The following CFAP70 variants were observed in gnomAD, a reference collection of about 807,000 sequenced individuals.
CFAP70 encodes the protein cilia- and flagella-associated protein 70.
Under a neutral mutation model 137.6 loss-of-function variants are expected in CFAP70, and 81 were observed. That is an observed-to-expected ratio of 0.59 (90% confidence interval 0.49 to 0.71). The LOEUF (loss-of-function observed/expected upper bound fraction) is 0.71. CFAP70 is among the 30% of genes least tolerant of loss of function. The pLI is 0.00. For missense variants in CFAP70, 976 were observed against 1,226.7 expected (o/e 0.80, Z 3.05); for synonymous variants, 382 against 423.6 (o/e 0.90, Z 1.20).
intron 6 of CFAP70, among the ~76,000 whole-genome samples, chr10:73,337,964 A>G (rs2052842246): frequency 6.6e-6 from 1 of 152,112 alleles, no homozygotes; most frequent in South Asian, 2.1e-4. Context: ...CTGATGTCTG[A>G]AGATATTTTA....
intron 24 of CFAP70, among the ~76,000 whole-genome samples, chr10:73,272,386 A>G (rs1055462655): frequency 1.3e-5 from 2 of 152,194 alleles, no homozygotes; most frequent in African/African-American, 4.8e-5. Context: ...AGCTATTCAA[A>G]GAAAGGGAGA....
intron 19 of CFAP70, among the ~76,000 whole-genome samples, chr10:73,281,336 C>T (rs1333807741): frequency 6.6e-6 from 1 of 150,996 alleles, no homozygotes; most frequent in Admixed American, 6.6e-5. Context: ...AGACATGCCA[C>T]CACACCTGGC....
exon 19 of CFAP70, chr10:73,291,421 T>A (rs746318738): frequency 6.2e-7 from 1 of 1,614,216 alleles, no homozygotes; most frequent in South Asian, 1.1e-5. Flanking sequence ...CGAATATCAT[T>A]GTTTTGAATT....
intron 9 of CFAP70, among the ~76,000 whole-genome samples, chr10:73,316,707 A>G (rs1046214832): frequency 3.3e-5 from 5 of 151,778 alleles, no homozygotes; most frequent in Non-Finnish European, 5.9e-5. Context: ...GCTCTGCTAT[A>G]GCTCCATTCT....
intron 16 of CFAP70, among the ~76,000 whole-genome samples, chr10:73,292,967 T>G (rs1564796645): frequency 6.6e-6 from 1 of 152,182 alleles, no homozygotes; most frequent in Non-Finnish European, 1.5e-5. Flanking sequence ...CATCTTACAT[T>G]TAGATATATG....
At chr10:73,258,783 T>C (rs898787271) in intron 25 of CFAP70, among the ~76,000 whole-genome samples, 2 of 152,196 alleles carry the variant, frequency 1.3e-5, no homozygotes, top group Non-Finnish European at 2.9e-5. Context: ...TATATGGTTG[T>C]ATATAAGGGA....
intron 22 of CFAP70, chr10:73,274,816 C>G (rs959394468): frequency 2.0e-6 from 1 of 506,460 alleles, no homozygotes. Context: ...TTCTTGCATT[C>G]TTCAAAGCCA....
At chr10:73,355,686 G>A (rs1345209684) in intron 1 of CFAP70, among the ~76,000 whole-genome samples, 3 of 152,200 alleles carry the variant, frequency 2.0e-5, no homozygotes, top group East Asian at 3.8e-4. Context: ...GCTGAGGCAG[G>A]AGAATCGCTT....
chr10:73,257,540 C>T (rs909992793), intron 25 of CFAP70, among the ~76,000 whole-genome samples: 3 of 151,694 alleles, frequency 2.0e-5, no homozygotes, highest in South Asian at 2.1e-4. Context: ...CTGAAGGGGA[C>T]CTGGGGAATA....
intron 8 of CFAP70, among the ~76,000 whole-genome samples, chr10:73,323,428 C>T (rs2132220328): frequency 6.6e-6 from 1 of 152,134 alleles, no homozygotes; most frequent in Middle Eastern, 3.4e-3. Context: ...GCATTTCCAT[C>T]TGAGGTACCG....
At position 73,330,313 on chromosome 10, in the gene CFAP70, G is replaced by A. The variant is rs542556590; in HGVS notation, c.777+864C>T. 3.1e-3 allele frequency among the ~76,000 whole-genome samples: 477 copies of A among 151,944 alleles called. 9 individuals carry two copies. The highest frequency in any genetic ancestry group is 7.5e-4 in the Non-Finnish European group (51 of 67,974). On this transcript the variant is annotated intron_variant, in intron 8 of 26. Transcript: ENST00000310715. The stretch of plus-strand genomic sequence containing the variant: ...AAAAATACAAAAATTAGCCGGGCGT[G>A]GTGGTGTGTGCCTATAATCCCAGCT...
At chr10:73,264,830 G>A (rs1246060655) in intron 25 of CFAP70, among the ~76,000 whole-genome samples, 1 of 152,096 alleles carries the variant, frequency 6.6e-6, no homozygotes, top group East Asian at 1.9e-4. Context: ...GTAATTATGT[G>A]GTCTCCCCAT....
At chr10:73,261,985 CATATGTATATATGTATACATATGTATAT>C (rs1564744562) in intron 25 of CFAP70, among the ~76,000 whole-genome samples, 2 of 131,884 alleles carry the variant, frequency 1.5e-5, no homozygotes, top group East Asian at 4.0e-4. Context: ...TATATGTATA[CATATGTATATATGTATACATATGTATAT>C]ATGTATATAT....
At chr10:73,261,145 A>G (rs1322999982) in intron 25 of CFAP70, among the ~76,000 whole-genome samples, 1 of 146,026 alleles carries the variant, frequency 6.8e-6, no homozygotes, top group Non-Finnish European at 1.5e-5. Context: ...TTTTTTTGAG[A>G]CAAGATCTCA....
intron 25 of CFAP70, among the ~76,000 whole-genome samples, chr10:73,261,475 G>A (rs890664599): frequency 5.9e-5 from 9 of 152,142 alleles, no homozygotes; most frequent in African/African-American, 7.2e-5. Context: ...CACGTCTTAC[G>A]TGGATGGTAG....
chr10:73,276,022 A>G (rs1213899853), intron 21 of CFAP70: 1 of 153,010 alleles, frequency 6.5e-6, no homozygotes, highest in African/African-American at 2.4e-5. Flanking sequence ...GAAATCTTAG[A>G]AACATAAATG....
chr10:73,298,423 T>C (rs1186035826), intron 14 of CFAP70, among the ~76,000 whole-genome samples: 2 of 152,206 alleles, frequency 1.3e-5, no homozygotes, highest in Non-Finnish European at 2.9e-5. Flanking sequence ...GTTTATACAT[T>C]CTGAATTTTA....
intron 9 of CFAP70, among the ~76,000 whole-genome samples, chr10:73,313,942 G>C (rs545076115): frequency 1.4e-4 from 21 of 152,296 alleles, no homozygotes; most frequent in African/African-American, 5.1e-4. Context: ...GTTATAATTG[G>C]AAGGATAAAG....
intron 24 of CFAP70, among the ~76,000 whole-genome samples, chr10:73,270,609 C>A (rs936205931): frequency 2.2e-4 from 32 of 143,400 alleles, no homozygotes; most frequent in African/African-American, 7.6e-4. Flanking sequence ...GATTTCAGCT[C>A]ACTGCAACCT....
Sources: allele counts gnomAD v4.1 joint callset (sites outside exome capture counted in the v4.1 genomes callset), GRCh38; gene constraint gnomAD v4.1.1; transcripts MANE v1.5; gene names NCBI Gene and HGNC (gene_info 2026-07-23, HGNC 2026-07-21).